Variants in NCK2 observed in about 807,000 individuals in gnomAD.
The protein encoded by NCK2 is cytoplasmic protein NCK2.
NCK2 carries 16 observed loss-of-function variants against 33.9 expected under a neutral mutation model. The observed-to-expected ratio is 0.47, with a 90% CI of 0.32 to 0.72. The LOEUF (loss-of-function observed/expected upper bound fraction) is 0.72. NCK2 is among the 30% of genes least tolerant of loss of function. The probability of loss-of-function intolerance (pLI) is 0.03; values close to 1 mark genes in which losing one functional copy is unlikely to be tolerated. For missense variants in NCK2, 418 were observed against 537.3 expected (o/e 0.78, Z 2.19); for synonymous variants, 273 against 239.9 (o/e 1.14, Z -1.27).
intron 1 of NCK2, among the ~76,000 whole-genome samples, chr2:105,798,445 T>G (rs1198485693): frequency 6.6e-6 from 1 of 152,146 alleles, no homozygotes; most frequent in Non-Finnish European, 1.5e-5. Flanking sequence ...CTTTTAACAA[T>G]GAGAAAAAGC....
intron 3 of NCK2, chr2:105,855,820 C>T (rs139991744): frequency 0.015 from 2,103 of 144,146 alleles, 20 homozygotes; most frequent in Non-Finnish European, 0.021. Flanking sequence ...ATACTGTTGT[C>T]CCCATGTGCC....
intron 3 of NCK2, among the ~76,000 whole-genome samples, chr2:105,877,661 C>A (rs1678293492): frequency 1.3e-5 from 2 of 152,168 alleles, no homozygotes; most frequent in Admixed American, 6.5e-5. Flanking sequence ...GGAGTAGATT[C>A]TTGGCACCCC....
chr2:105,856,980 C>CTTTT (rs1327632650), intron 3 of NCK2: 2 of 150,206 alleles, frequency 1.3e-5, no homozygotes, highest in Non-Finnish European at 3.0e-5. Flanking sequence ...AAAGTACCAT[C>CTTTT]TTTTTAGTGA....
chr2:105,836,837 G>A (rs902215520), intron 2 of NCK2, among the ~76,000 whole-genome samples: 5 of 152,140 alleles, frequency 3.3e-5, no homozygotes, highest in South Asian at 2.1e-4. Context: ...GTCTCCAAAT[G>A]GTGCCTTGCT....
intron 4 of NCK2, among the ~76,000 whole-genome samples, chr2:105,891,633 C>A (rs1369049666): frequency 6.9e-6 from 1 of 145,150 alleles, no homozygotes; most frequent in Non-Finnish European, 1.5e-5. Context: ...ACAACTTCCA[C>A]CTCCCAGGTT....
intron 1 of NCK2, among the ~76,000 whole-genome samples, chr2:105,811,825 C>T (rs936507194): frequency 6.6e-6 from 1 of 152,176 alleles, no homozygotes; most frequent in Non-Finnish European, 1.5e-5. Flanking sequence ...TGGTGCCTCC[C>T]CTAGTACAGT....
intron 2 of NCK2, among the ~76,000 whole-genome samples, chr2:105,841,134 G>A (rs1388695504): frequency 6.6e-6 from 1 of 152,136 alleles, no homozygotes; most frequent in Admixed American, 6.5e-5. Flanking sequence ...TGTCTCTTCC[G>A]ACATTCACTT....
At chr2:105,888,793 G>T (rs530443009) in intron 4 of NCK2, among the ~76,000 whole-genome samples, 10 of 152,280 alleles carry the variant, frequency 6.6e-5, no homozygotes, top group Non-Finnish European at 1.2e-4. Flanking sequence ...AGTACATTCA[G>T]GCAGCCCTAC....
chr2:105,765,803 G>C (rs35443139), intron 1 of NCK2, among the ~76,000 whole-genome samples: 47,880 of 150,560 alleles, frequency 0.32, 8,517 homozygotes, highest in East Asian at 0.46. Flanking sequence ...GTGTGTGTGT[G>C]TGTGTGTGTG....
intron 3 of NCK2, among the ~76,000 whole-genome samples, chr2:105,861,880 G>C (rs1287313561): frequency 6.7e-6 from 1 of 150,288 alleles, no homozygotes; most frequent in Non-Finnish European, 1.5e-5. Flanking sequence ...TTTATCTTAA[G>C]ATCAGACTGG....
In NCK2 at chr2:105,849,443, A is replaced by G. The variant is rs180927844; in HGVS notation, c.-16-5605A>G. Among the ~76,000 whole-genome samples, 5 of 152,336 alleles carry G rather than the reference A, an allele frequency of 3.3e-5. No homozygotes were observed. In the East Asian group the frequency reaches 9.7e-4, roughly 29 times the overall value. Reference sequence around the variant, plus strand: ...TCTGGTCTTCTCTGTGGCGGGATAAATTGGTTAGTCAGTGGAAAGGTGAAT... The same window carrying G: ...TCTGGTCTTCTCTGTGGCGGGATAAGTTGGTTAGTCAGTGGAAAGGTGAAT... On this transcript the variant is annotated intron_variant, in intron 2 of 4. Coordinates refer to ENST00000233154, the MANE Select transcript of NCK2 (RefSeq NM_003581.5).
intron 3 of NCK2, among the ~76,000 whole-genome samples, chr2:105,856,056 G>A (rs1358947032): frequency 1.3e-5 from 2 of 152,040 alleles, no homozygotes; most frequent in Admixed American, 6.5e-5. Context: ...GGATGATCTC[G>A]ATCTCTTGAC....
rs1021650333 is a variant in NCK2 at position 105,766,256 on chromosome 2, G to T, written c.-201+21118G>T. ...AAAGTCTGTGTTCTGCATGGCTCTG[G>T]GAGGGCCTGGAAGGTGGGGAGAACC... On this transcript the variant is annotated intron_variant, in intron 1 of 4. Transcript: ENST00000233154. Among the ~76,000 whole-genome samples, 15 of 152,230 alleles carry T rather than the reference G, an allele frequency of 9.9e-5. No individual in the cohort carries two copies. The East Asian group carries it at 2.7e-3, about 27-fold the overall frequency.
At chr2:105,756,940 G>A (rs1480378753) in intron 1 of NCK2, among the ~76,000 whole-genome samples, 1 of 152,040 alleles carries the variant, frequency 6.6e-6, no homozygotes, top group Non-Finnish European at 1.5e-5. Context: ...CGAGTAGCTG[G>A]GATTACAGGC....
At chr2:105,748,635 C>G (rs1367620065) in intron 1 of NCK2, among the ~76,000 whole-genome samples, 1 of 152,026 alleles carries the variant, frequency 6.6e-6, no homozygotes, top group Non-Finnish European at 1.5e-5. Flanking sequence ...CAAGGCTGGT[C>G]TCAAACTCCT....
At chr2:105,812,294 G>A (rs888701593) in intron 1 of NCK2, among the ~76,000 whole-genome samples, 3 of 152,110 alleles carry the variant, frequency 2.0e-5, no homozygotes, top group Non-Finnish European at 2.9e-5. Flanking sequence ...TTTGAGTTTC[G>A]GATTGATAAA....
intron 4 of NCK2, among the ~76,000 whole-genome samples, chr2:105,889,608 G>A (rs2104686002): frequency 6.7e-6 from 1 of 149,012 alleles, no homozygotes; most frequent in South Asian, 2.1e-4. Flanking sequence ...TTTTGAGATA[G>A]GGTCTCACTC....
At chr2:105,746,491 C>T (rs755421453) in intron 1 of NCK2, among the ~76,000 whole-genome samples, 5 of 152,238 alleles carry the variant, frequency 3.3e-5, no homozygotes, top group Non-Finnish European at 7.3e-5. Context: ...TTAACCTGGG[C>T]CGCTTTAACT....
intron 3 of NCK2, among the ~76,000 whole-genome samples, chr2:105,862,010 T>A (rs1677558515): frequency 6.7e-6 from 1 of 149,974 alleles, no homozygotes; most frequent in African/African-American, 2.5e-5. Context: ...TCAGGGTAAC[T>A]GGCTGTAAAC....
Sources: allele counts gnomAD v4.1 joint callset (sites outside exome capture counted in the v4.1 genomes callset), GRCh38; gene constraint gnomAD v4.1.1; transcripts MANE v1.5; gene names NCBI Gene and HGNC (gene_info 2026-07-23, HGNC 2026-07-21).